Variants in KYNU observed in about 807,000 individuals in gnomAD.
KYNU encodes the protein kynureninase.
KYNU carries 54 observed loss-of-function variants against 59.2 expected under a neutral mutation model. That is an observed-to-expected ratio of 0.91 (90% CI 0.73 to 1.14). KYNU has a LOEUF of 1.14. Ranked by LOEUF, KYNU falls within the 50% of genes most tolerant of loss-of-function variation. The pLI is 0.00. For synonymous variants in KYNU, 177 were observed against 192.0 expected, an observed-to-expected ratio of 0.92 and a Z score of 0.65; for missense variants, 567 against 554.4, an observed-to-expected ratio of 1.02 and a Z score of -0.23.
intron 2 of KYNU, among the ~76,000 whole-genome samples, chr2:142,911,282 T>C (rs570689741): frequency 5.9e-5 from 9 of 152,306 alleles, no homozygotes; most frequent in African/African-American, 2.2e-4. Flanking sequence ...TTCACCTCCT[T>C]GGTTAGATGT....
At chr2:142,952,229 C>T (rs1043264218) in intron 4 of KYNU, among the ~76,000 whole-genome samples, 4 of 152,056 alleles carry the variant, frequency 2.6e-5, no homozygotes, top group East Asian at 1.9e-4. Flanking sequence ...GCATGCACCA[C>T]CACATCCAGC....
At chr2:142,915,288 C>G (rs1682633055) in intron 2 of KYNU, among the ~76,000 whole-genome samples, 1 of 152,178 alleles carries the variant, frequency 6.6e-6, no homozygotes, top group African/African-American at 2.4e-5. Context: ...AAAAATACTT[C>G]ATAAGGGAAA....
intron 8 of KYNU, among the ~76,000 whole-genome samples, chr2:142,980,787 T>G (rs1288841111): frequency 6.6e-6 from 1 of 152,108 alleles, no homozygotes; most frequent in Non-Finnish European, 1.5e-5. Context: ...CTGTGGGTAA[T>G]TTTAAATAAA....
chr2:142,938,593 A>G lies in KYNU; in HGVS notation c.373+10852A>G, dbSNP rs529548838. Among the ~76,000 whole-genome samples the G allele has an allele frequency of 1.4e-4, 21 of 152,350 alleles. 1 individual carries two copies. In the South Asian group the frequency reaches 3.5e-3, roughly 26 times the overall value. ...TTGTTTACATCTCCATTTAGGTTAT[A>G]GTTCACTATGCACAGAGAAACCTTT... is the stretch of plus-strand genomic sequence containing the variant. On this transcript the variant is annotated intron_variant, in intron 4 of 13. Transcript: ENST00000264170.
chr2:142,940,350 A>G (rs1683557350), intron 4 of KYNU, among the ~76,000 whole-genome samples: 1 of 152,204 alleles, frequency 6.6e-6, no homozygotes, highest in African/African-American at 2.4e-5. Context: ...TCTAAAGAGA[A>G]GTTAGAATGT....
Position 143,048,584 on chromosome 2 carries a change from A to T in KYNU, c.*6412A>T, listed in dbSNP as rs530665288. On this transcript the variant is annotated 3_prime_UTR_variant, in exon 14 of 14. Coordinates refer to ENST00000264170, the MANE Select transcript of KYNU (RefSeq NM_003937.3). ...TTATTACAATTCATTTTAATGAAAAACTTTTAGTGGTAAATTGTATTAGTC... is the reference window on the plus strand; with the variant it reads ...TTATTACAATTCATTTTAATGAAAATCTTTTAGTGGTAAATTGTATTAGTC... 5 of 152,196 alleles carry T rather than the reference A, an allele frequency of 3.3e-5. No individual in the cohort carries two copies. The highest frequency in any genetic ancestry group is 7.3e-5 in the Non-Finnish European group (5 of 68,038). The allele number at this position is 152,196 out of a possible 1,614,324, so 9.4% of individuals were successfully genotyped here. A position where few individuals can be genotyped will look rare whatever the true frequency, so the allele number is the denominator to read the frequency against.
intron 8 of KYNU, among the ~76,000 whole-genome samples, chr2:142,969,663 T>C (rs1001063408): frequency 1.3e-5 from 2 of 152,210 alleles, no homozygotes; most frequent in Non-Finnish European, 2.9e-5. Context: ...GATGTTGTTA[T>C]AGGATTACAG....
rs1687343314 is a variant in KYNU at position 143,055,693 on chromosome 2, A to AAAGG, written c.*13521_*13522insAAGG. 2 of 151,514 alleles carry AAAGG rather than the reference A, an allele frequency of 1.3e-5. No homozygotes were observed. Among genetic ancestry groups the AAAGG allele is most frequent in the Non-Finnish European group, 3.0e-5 (2 of 67,750 alleles). The allele number at this position is 151,514 out of a possible 1,614,324, so 9.4% of individuals were successfully genotyped here. On this transcript the variant is annotated 3_prime_UTR_variant, in exon 14 of 14. Coordinates refer to ENST00000264170, the MANE Select transcript of KYNU (RefSeq NM_003937.3). ...AAGGAAGGAAGGAAGGAAAGGGAGG[A>AAAGG]GAGGAGAGGAGAGGTAGGAGGGAAG... is the stretch of plus-strand genomic sequence containing the variant.
chr2:142,995,796 T>C (rs1401190333), intron 10 of KYNU, among the ~76,000 whole-genome samples: 6 of 152,130 alleles, frequency 3.9e-5, no homozygotes, highest in African/African-American at 1.4e-4. Flanking sequence ...CCTACCGCTA[T>C]GCTGATTACC....
intron 2 of KYNU, among the ~76,000 whole-genome samples, chr2:142,905,677 G>A (rs1302467286): frequency 1.3e-5 from 2 of 152,182 alleles, no homozygotes; most frequent in Non-Finnish European, 1.5e-5. Flanking sequence ...CTCACAATAA[G>A]GTTTCCTCTA....
chr2:142,980,629 A>G (rs1685025691), intron 8 of KYNU, among the ~76,000 whole-genome samples: 1 of 152,098 alleles, frequency 6.6e-6, no homozygotes, highest in South Asian at 2.1e-4. Flanking sequence ...GGCTGGAAAT[A>G]ATCAGAATGG....
At chr2:142,881,440 A>C (rs1322025164) in intron 1 of KYNU, 1 of 152,220 alleles carries the variant, frequency 6.6e-6, no homozygotes, top group African/African-American at 2.4e-5. Context: ...TGTAAGAAGA[A>C]TGTCTGTTTT....
chr2:143,046,570 A>ATCTATATATC lies in KYNU; in HGVS notation c.*4399_*4400insCTATATATCT, dbSNP rs1687167153. ...TTTCTATATATCTATATAAATATAG[A>ATCTATATATC]TATGTAGATATATGAAAGCAATATA... On this transcript the variant is annotated 3_prime_UTR_variant, in exon 14 of 14. Coordinates refer to ENST00000264170, the MANE Select transcript of KYNU (RefSeq NM_003937.3). 1 of 141,510 alleles carries ATCTATATATC rather than the reference A, an allele frequency of 7.1e-6. No homozygotes were observed. Among genetic ancestry groups the ATCTATATATC allele is most frequent in the Non-Finnish European group, 1.6e-5 (1 of 61,838 alleles). The allele number at this position is 141,510 out of a possible 1,614,324, so 8.8% of individuals were successfully genotyped here.
chr2:142,993,863 C>T (rs1685469569), intron 10 of KYNU, among the ~76,000 whole-genome samples: 1 of 151,940 alleles, frequency 6.6e-6, no homozygotes, highest in Non-Finnish European at 1.5e-5. Flanking sequence ...AATCGCTACT[C>T]TCAGATAATG....
chr2:143,035,653 C>T (rs779933773), intron 12 of KYNU, among the ~76,000 whole-genome samples: 4 of 152,154 alleles, frequency 2.6e-5, no homozygotes, highest in Admixed American at 6.5e-5. Flanking sequence ...TGCAATAGTA[C>T]GATCATGGCT....
intron 6 of KYNU, 74 bp from the exon 7 acceptor site, chr2:142,957,567 T>A (rs1684208864): frequency 1.1e-6 from 1 of 930,310 alleles, no homozygotes; most frequent in Non-Finnish European, 1.8e-6. Context: ...TTATTTTTAC[T>A]TTATTATTTG....
intron 7 of KYNU, among the ~76,000 whole-genome samples, chr2:142,959,358 A>G (rs1270766211): frequency 2.0e-5 from 3 of 152,172 alleles, no homozygotes; most frequent in Admixed American, 6.6e-5. Flanking sequence ...AGTTTGAGAC[A>G]GGCAGATCAC....
At chr2:143,006,990 C>T (rs564695953) in intron 10 of KYNU, among the ~76,000 whole-genome samples, 51 of 152,102 alleles carry the variant, frequency 3.4e-4, no homozygotes, top group South Asian at 1.7e-3. Context: ...AACTCTAAAA[C>T]GCAGAGCGTC....
At chr2:142,936,035 ATT>A (rs1683381333) in intron 4 of KYNU, among the ~76,000 whole-genome samples, 3 of 152,164 alleles carry the variant, frequency 2.0e-5, no homozygotes, top group Non-Finnish European at 4.4e-5. Flanking sequence ...AAAGAAGGCG[ATT>A]GAGAGAAAGA....
Sources: allele counts gnomAD v4.1 joint callset (sites outside exome capture counted in the v4.1 genomes callset), GRCh38; gene constraint gnomAD v4.1.1; transcripts MANE v1.5; gene names NCBI Gene and HGNC (gene_info 2026-07-23, HGNC 2026-07-21).